Variants in PHF20L1 observed in about 807,000 individuals in gnomAD.
The protein encoded by PHF20L1 is PHD finger protein 20-like protein 1.
Under a neutral mutation model 125.5 loss-of-function variants are expected in PHF20L1, and 44 were observed. That is an observed-to-expected ratio of 0.35 (90% CI 0.28 to 0.45). The LOEUF (loss-of-function observed/expected upper bound fraction) is 0.45, where lower values mean the gene tolerates loss of function less well. Among genes scored for constraint, PHF20L1 ranks in the 20% least tolerant of loss-of-function variants. PHF20L1 has a pLI of 1.00. For synonymous variants in PHF20L1, 380 were observed against 403.1 expected (o/e 0.94, Z 0.69); for missense variants, 1,012 against 1,217.2 (o/e 0.83, Z 2.51).
rs370534066 is a variant in PHF20L1 at position 132,829,703 on chromosome 8, C to T, written c.1745-2532C>T. 6.6e-5 allele frequency among the ~76,000 whole-genome samples: 10 copies of T among 152,136 alleles called. No homozygotes were observed. The East Asian group carries it at 7.8e-4, about 12-fold the overall frequency. On this transcript the variant is annotated intron_variant, in intron 14 of 20. Transcript: ENST00000395386. ...GCACCCTTTAAATGTTGAAATACAC[C>T]GATATCACTTATTTGTTAAGAGTGT...
At position 132,804,049 on chromosome 8, in the gene PHF20L1, T is replaced by TA. The variant is rs771729317; in HGVS notation, c.721+18dup. 4.9e-5 allele frequency: 74 copies of TA among 1,513,216 alleles called. 2 individuals carry two copies. Among genetic ancestry groups the TA allele is most frequent in the Non-Finnish European group, 6.1e-5 (66 of 1,089,748 alleles). 93.7% of individuals were successfully genotyped at this position (1,513,216 alleles called of 1,614,324 possible). Reference sequence around the variant, plus strand: ...AAACATTTGGTACAAAATACATTCTTACGTTAATTCCTTATGACACTGGTA... The same window carrying TA: ...AAACATTTGGTACAAAATACATTCTTAACGTTAATTCCTTATGACACTGGTA... On this transcript the variant is annotated intron_variant, in intron 7 of 20. Transcript: ENST00000395386.
At chr8:132,787,193 T>C (rs1435329734) in intron 2 of PHF20L1, among the ~76,000 whole-genome samples, 2 of 151,876 alleles carry the variant, frequency 1.3e-5, no homozygotes, top group East Asian at 3.9e-4. Context: ...AAGGATATGG[T>C]ACAGGTATTT....
intron 2 of PHF20L1, among the ~76,000 whole-genome samples, chr8:132,783,825 C>T (rs1462655696): frequency 6.6e-6 from 1 of 152,130 alleles, no homozygotes; most frequent in Non-Finnish European, 1.5e-5. Flanking sequence ...GAATTACATA[C>T]TATGGTCATA....
rs1462311357 is a variant in PHF20L1, at chr8:132,842,585, G to C, written c.2458G>C (p.Ala820Pro). 2 of 1,612,558 alleles carry C rather than the reference G, an allele frequency of 1.2e-6. No homozygotes were observed. The highest frequency in any genetic ancestry group is 1.1e-5 in the South Asian group (1 of 90,978). The change falls in exon 19 of 21, where the codon GCT becomes CCT. Residue 820 changes from alanine to proline, a missense_variant. Coordinates refer to ENST00000395386, the MANE Select transcript of PHF20L1 (RefSeq NM_016018.5). The stretch of plus-strand genomic sequence containing the variant: ...GCGAAAAGACCAAGATCAAATAATA[G>C]CTGGGGTGGAGAAAAAAATAGCTCA... ...GKRKDQDQII[A>P]GVEKKIAQDT...
At chr8:132,827,535 G>T (rs1220973123) in intron 14 of PHF20L1, among the ~76,000 whole-genome samples, 1 of 151,976 alleles carries the variant, frequency 6.6e-6, no homozygotes, top group Non-Finnish European at 1.5e-5. Context: ...CTGTGAAAGT[G>T]GGGAAAAAGA....
At chr8:132,821,789 A>G (rs1018284559) in intron 12 of PHF20L1, among the ~76,000 whole-genome samples, 1 of 151,740 alleles carries the variant, frequency 6.6e-6, no homozygotes, top group Non-Finnish European at 1.5e-5. Context: ...GAGTAGCTCC[A>G]TTTGTGTTTT....
At chr8:132,815,438 T>C (rs1260337782) in intron 10 of PHF20L1, 2 of 151,902 alleles carry the variant, frequency 1.3e-5, no homozygotes, top group African/African-American at 4.8e-5. Flanking sequence ...AAAACACCTT[T>C]CACATGGGTA....
At chr8:132,830,931 A>C (rs151038087) in intron 14 of PHF20L1, among the ~76,000 whole-genome samples, 19 of 152,142 alleles carry the variant, frequency 1.2e-4, no homozygotes, top group Admixed American at 3.9e-4. Flanking sequence ...TAAACCTGGA[A>C]ATCAATCTTG....
At position 132,846,880 on chromosome 8, in the gene PHF20L1, G is replaced by A. The variant is rs1323083478; in HGVS notation, c.*957G>A. 6.6e-6 allele frequency: 1 copy of A among 152,432 alleles called. No homozygotes were observed. The highest frequency in any genetic ancestry group is 1.5e-5 in the Non-Finnish European group (1 of 67,974). The allele number at this position is 152,432 out of a possible 1,614,324, so 9.4% of individuals were successfully genotyped here. On this transcript the variant is annotated 3_prime_UTR_variant, in exon 21 of 21. Coordinates refer to ENST00000395386, the MANE Select transcript of PHF20L1 (RefSeq NM_016018.5). ...ACCTCAGCTGGGATGAGGAGTGACA[G>A]AATATCAAAATAATTTGTGGCTGTG...
At chr8:132,794,057 T>C (rs1366087629) in intron 2 of PHF20L1, among the ~76,000 whole-genome samples, 1 of 152,158 alleles carries the variant, frequency 6.6e-6, no homozygotes, top group East Asian at 1.9e-4. Flanking sequence ...GTTTCCACTT[T>C]ATTTGTTATT....
intron 1 of PHF20L1, 76 bp from the exon 2 acceptor site, chr8:132,777,716 A>T: frequency 1.5e-6 from 1 of 671,608 alleles, no homozygotes; most frequent in East Asian, 2.5e-5. Context: ...GTTTAATTTT[A>T]ATTTGACCTG....
intron 9 of PHF20L1, among the ~76,000 whole-genome samples, chr8:132,813,722 A>G (rs1294881557): frequency 1.3e-5 from 2 of 152,046 alleles, no homozygotes; most frequent in African/African-American, 4.8e-5. Flanking sequence ...GAAGTATTGC[A>G]GAACCATAGA....
chr8:132,825,654 G>A (rs1301663931), intron 14 of PHF20L1, among the ~76,000 whole-genome samples: 1 of 152,012 alleles, frequency 6.6e-6, no homozygotes, highest in African/African-American at 2.4e-5. Flanking sequence ...GCACCCTTTA[G>A]CATGCTCAAG....
chr8:132,835,681 A>C (rs530546862), intron 15 of PHF20L1, among the ~76,000 whole-genome samples: 25 of 152,288 alleles, frequency 1.6e-4, no homozygotes, highest in African/African-American at 5.3e-4. Flanking sequence ...AATACATTTT[A>C]AAAATCCCTT....
intron 12 of PHF20L1, 56 bp from the exon 13 acceptor site, chr8:132,823,948 T>C (rs1835874717): frequency 1.0e-6 from 1 of 991,518 alleles, no homozygotes; most frequent in South Asian, 1.4e-5. Flanking sequence ...TAAAATATTG[T>C]CCCATACTTT....
chr8:132,791,110 G>A (rs1831636863), intron 2 of PHF20L1, among the ~76,000 whole-genome samples: 1 of 152,058 alleles, frequency 6.6e-6, no homozygotes, highest in South Asian at 2.1e-4. Flanking sequence ...AAGATCAAAT[G>A]AGAAAACGTA....
chr8:132,798,956 C>A, intron 5 of PHF20L1, 96 bp downstream of exon 5: 1 of 1,063,432 alleles, frequency 9.4e-7, no homozygotes, highest in Non-Finnish European at 1.4e-6. Flanking sequence ...TAAAAATGAA[C>A]TAATTGTAGG....
chr8:132,798,152 T>A (rs909765650), intron 4 of PHF20L1, among the ~76,000 whole-genome samples: 1 of 152,030 alleles, frequency 6.6e-6, no homozygotes, highest in Non-Finnish European at 1.5e-5. Flanking sequence ...ATTACGGCTG[T>A]GTTGCCTGCC....
At chr8:132,840,383 T>G (rs1447663074) in intron 18 of PHF20L1, among the ~76,000 whole-genome samples, 2 of 152,072 alleles carry the variant, frequency 1.3e-5, no homozygotes, top group Non-Finnish European at 2.9e-5. Flanking sequence ...GTTGTTACAT[T>G]TCACATGAAC....
Sources: gnomAD v4.1 joint callset for allele counts (sites outside exome capture counted in the v4.1 genomes callset) on GRCh38, gnomAD v4.1.1 for gene constraint, MANE v1.5 for transcripts, NCBI Gene and HGNC (gene_info 2026-07-23, HGNC 2026-07-21) for gene names.